Variants in ANKIB1 observed in about 807,000 individuals in gnomAD.
ANKIB1 encodes ankyrin repeat and IBR domain containing 1.
Under a neutral mutation model 122.1 loss-of-function variants are expected in ANKIB1, and 43 were observed. The ratio of observed to expected loss-of-function variants is 0.35; its 90% confidence interval spans 0.28 to 0.45. The LOEUF is 0.45. Among genes scored for constraint, ANKIB1 ranks in the 20% least tolerant of loss-of-function variants. The pLI is 1.00. For missense variants in ANKIB1, 992 were observed against 1,329.5 expected, an observed-to-expected ratio of 0.75 and a Z score of 3.95; for synonymous variants, 390 against 442.0, an observed-to-expected ratio of 0.88 and a Z score of 1.48.
chr7:92,260,075 G>A (rs745835745), intron 1 of ANKIB1, among the ~76,000 whole-genome samples: 2 of 152,136 alleles, frequency 1.3e-5, no homozygotes, highest in Admixed American at 6.5e-5. Flanking sequence ...CCTGTTAAAT[G>A]TAAGTCTGGT....
At chr7:92,303,437 C>T (rs1390294358) in intron 2 of ANKIB1, among the ~76,000 whole-genome samples, 2 of 152,154 alleles carry the variant, frequency 1.3e-5, no homozygotes, top group African/African-American at 2.4e-5. Context: ...TCTGCCACTA[C>T]TGCCTGTCAT....
chr7:92,371,676 A>G, intron 11 of ANKIB1, 69 bp downstream of exon 11: 1 of 1,517,834 alleles, frequency 6.6e-7, no homozygotes, highest in Non-Finnish European at 8.9e-7. Flanking sequence ...TGTCAATCCA[A>G]AGGATAAATT....
intron 11 of ANKIB1, among the ~76,000 whole-genome samples, chr7:92,378,801 C>T (rs1282769069): frequency 1.3e-5 from 2 of 152,124 alleles, no homozygotes; most frequent in South Asian, 2.1e-4. Context: ...TCACAAAAAT[C>T]GACTGAAAAA....
At chr7:92,397,908 C>A in intron 19 of ANKIB1, 49 bp downstream of exon 19, 1 of 1,568,208 alleles carries the variant, frequency 6.4e-7, no homozygotes, top group Admixed American at 2.1e-5. Context: ...TCTTTCTCTG[C>A]TGAGTGTGGT....
intron 18 of ANKIB1, 41 bp downstream of exon 18, chr7:92,396,517 C>A: frequency 1.0e-6 from 1 of 981,610 alleles, no homozygotes; most frequent in South Asian, 1.5e-5. Flanking sequence ...TCATAGCTCC[C>A]CTGAATTTAT....
chr7:92,337,699 G>T (rs1449822656), intron 5 of ANKIB1, among the ~76,000 whole-genome samples: 1 of 152,088 alleles, frequency 6.6e-6, no homozygotes, highest in Admixed American at 6.5e-5. Flanking sequence ...TGTCTAGGGG[G>T]CTCCTTTTCA....
intron 2 of ANKIB1, among the ~76,000 whole-genome samples, chr7:92,302,811 G>A (rs1333367794): frequency 1.3e-5 from 2 of 152,074 alleles, no homozygotes; most frequent in Non-Finnish European, 2.9e-5. Context: ...TTGAAATACA[G>A]GTCTCCTCTC....
intron 10 of ANKIB1, among the ~76,000 whole-genome samples, chr7:92,362,844 A>G (rs945720452): frequency 6.6e-6 from 1 of 152,174 alleles, no homozygotes; most frequent in African/African-American, 2.4e-5. Flanking sequence ...TAATGCTTAG[A>G]TTGGGTTGAA....
intron 1 of ANKIB1, among the ~76,000 whole-genome samples, chr7:92,267,264 A>G (rs1240794982): frequency 6.6e-6 from 1 of 152,230 alleles, no homozygotes; most frequent in Non-Finnish European, 1.5e-5. Context: ...ATAAAAACTT[A>G]CAAATCAAGA....
chr7:92,364,394 A>C (rs1804025427), intron 10 of ANKIB1, among the ~76,000 whole-genome samples: 1 of 149,132 alleles, frequency 6.7e-6, no homozygotes, highest in African/African-American at 2.5e-5. Flanking sequence ...ATTGCTCTTC[A>C]TACCCACCCA....
chr7:92,257,818 A>G (rs1801480959), intron 1 of ANKIB1, among the ~76,000 whole-genome samples: 1 of 152,200 alleles, frequency 6.6e-6, no homozygotes, highest in South Asian at 2.1e-4. Context: ...AAATAAAATA[A>G]AGATTATTCT....
intron 1 of ANKIB1, among the ~76,000 whole-genome samples, chr7:92,288,484 T>C (rs142980677): frequency 4.0e-4 from 61 of 152,278 alleles, no homozygotes; most frequent in East Asian, 2.5e-3. Context: ...ACACAGTCAA[T>C]TGGCTTTTTA....
At chr7:92,306,263 A>C (rs1467829743) in intron 2 of ANKIB1, among the ~76,000 whole-genome samples, 1 of 152,106 alleles carries the variant, frequency 6.6e-6, no homozygotes, top group African/African-American at 2.4e-5. Flanking sequence ...TGTTGGCAGC[A>C]CTGCATTCCT....
At chr7:92,249,337 CTG>C (rs773895223) in intron 1 of ANKIB1, among the ~76,000 whole-genome samples, 19 of 152,162 alleles carry the variant, frequency 1.2e-4, no homozygotes, top group Non-Finnish European at 2.4e-4. Flanking sequence ...AGATATTTGA[CTG>C]TGATTTCTAT....
At chr7:92,327,661 G>T in intron 4 of ANKIB1, 122 bp from the exon 5 acceptor site, 2 of 442,536 alleles carry the variant, frequency 4.5e-6, no homozygotes, top group South Asian at 5.8e-5. Context: ...ATCTACAGTT[G>T]ATCCAATCCG....
At chr7:92,341,777 C>T (rs1803445589) in intron 5 of ANKIB1, among the ~76,000 whole-genome samples, 1 of 152,126 alleles carries the variant, frequency 6.6e-6, no homozygotes, top group Admixed American at 6.5e-5. Context: ...ATGGTGCTAA[C>T]TCAATATGCA....
chr7:92,275,279 A>T (rs1315600175), intron 1 of ANKIB1, among the ~76,000 whole-genome samples: 3 of 152,138 alleles, frequency 2.0e-5, no homozygotes, highest in Admixed American at 1.3e-4. Flanking sequence ...TCATTTTTAC[A>T]TGTATACTGG....
chr7:92,278,122 G>A (rs1002985250), intron 1 of ANKIB1, among the ~76,000 whole-genome samples: 6 of 151,808 alleles, frequency 4.0e-5, no homozygotes, highest in Non-Finnish European at 7.4e-5. Flanking sequence ...ATGATGATGC[G>A]TGTCTGTGGT....
chr7:92,342,917 C>T, intron 5 of ANKIB1, 107 bp from the exon 6 acceptor site: 3 of 932,152 alleles, frequency 3.2e-6, no homozygotes, highest in Admixed American at 4.2e-5. Context: ...ATACTTTTTT[C>T]TTTAGATGAC....
Sources: allele counts gnomAD v4.1 joint callset (sites outside exome capture counted in the v4.1 genomes callset), GRCh38; gene constraint gnomAD v4.1.1; transcripts MANE v1.5; gene names NCBI Gene and HGNC (gene_info 2026-07-23, HGNC 2026-07-21).